The following FAM234B variants were observed in gnomAD, a reference collection of about 807,000 sequenced individuals.
FAM234B encodes the protein protein FAM234B.
In FAM234B, 33 loss-of-function variants were observed where a neutral mutation model predicts 69.3. That is an observed-to-expected ratio of 0.48 (90% CI 0.36 to 0.64). The LOEUF (loss-of-function observed/expected upper bound fraction) is 0.64. FAM234B is among the 30% of genes least tolerant of loss of function. The pLI is 0.00. For synonymous variants in FAM234B, 306 were observed against 306.9 expected (o/e 1.00, Z 0.03); for missense variants, 697 against 769.7 (o/e 0.91, Z 1.12).
rs763953647 is a variant in FAM234B at position 13,079,803 on chromosome 12, C to T, written c.1657C>T (p.Leu553Phe). ...TCCTTCCTCAGTTGGAATTAACGAC[C>T]TCTGGAAAGATGCCTTTTATGTTAC... ...VTASEVGIND[L>F]WKDAFYVTRT... Residue 553 changes from leucine (L) to phenylalanine (F), a missense_variant, in exon 12 of 13, where the codon CTC becomes TTC. This residue lies in a region of FAM234B where 313 missense variants were observed against 305.5 expected (regional missense o/e 1.02). Transcript: ENST00000197268. 2 of 1,613,216 alleles carry T rather than the reference C, an allele frequency of 1.2e-6. No homozygotes were observed. Among genetic ancestry groups the T allele is most frequent in the Admixed American group, 3.3e-5 (2 of 59,988 alleles).
rs144607518 is a variant in FAM234B at position 13,048,234 on chromosome 12, A to G, written c.37+3794A>G. Among the ~76,000 whole-genome samples, 23 of 152,280 alleles carry G rather than the reference A, an allele frequency of 1.5e-4. No individual in the cohort carries two copies. The East Asian group carries it at 3.7e-3, about 24-fold the overall frequency. On this transcript the variant is annotated intron_variant, in intron 1 of 12. Coordinates refer to ENST00000197268, the MANE Select transcript of FAM234B (RefSeq NM_020853.2). Reference sequence around the variant, plus strand: ...AGGACTTTTTAGATATTGCTCCGCTATCTTTTAATAGTGTATGTTACTATG... The same window carrying G: ...AGGACTTTTTAGATATTGCTCCGCTGTCTTTTAATAGTGTATGTTACTATG...
At chr12:13,063,099 A>G (rs1865001516) in intron 5 of FAM234B, 124 bp downstream of exon 5, 1 of 1,164,972 alleles carries the variant, frequency 8.6e-7, no homozygotes. Flanking sequence ...TTTAGGTTTA[A>G]GTAAATTCTC....
chr12:13,056,983 T>C (rs2120460490), intron 2 of FAM234B, among the ~76,000 whole-genome samples: 1 of 151,426 alleles, frequency 6.6e-6, no homozygotes, highest in African/African-American at 2.4e-5. Context: ...AACTGCTTTT[T>C]TTTTTTTTTT....
chr12:13,068,010 C>T (rs1422361085), intron 7 of FAM234B, among the ~76,000 whole-genome samples: 7 of 152,200 alleles, frequency 4.6e-5, no homozygotes, highest in African/African-American at 1.4e-4. Flanking sequence ...CTGTGATTAT[C>T]CTTGGCTCTG....
At chr12:13,048,271 G>A (rs147915291) in intron 1 of FAM234B, among the ~76,000 whole-genome samples, 2 of 152,276 alleles carry the variant, frequency 1.3e-5, no homozygotes, top group East Asian at 3.9e-4. Context: ...AGAAATCTTT[G>A]CCTGATTTTT....
intron 1 of FAM234B, among the ~76,000 whole-genome samples, chr12:13,047,637 A>G (rs908225502): frequency 1.6e-4 from 24 of 152,218 alleles, no homozygotes; most frequent in Non-Finnish European, 4.4e-5. Flanking sequence ...TAAGAGGAAA[A>G]GCAATAGCTG....
At chr12:13,075,555 A>G (rs1410798594) in intron 10 of FAM234B, among the ~76,000 whole-genome samples, 4 of 149,490 alleles carry the variant, frequency 2.7e-5, no homozygotes, top group African/African-American at 9.9e-5. Flanking sequence ...CTCCTGCCTC[A>G]GCCTCCTGAG....
Position 13,076,112 on chromosome 12 carries a change from C to T in FAM234B, c.1611C>T (p.Ala537=), listed in dbSNP as rs778749617. 3.7e-6 allele frequency: 6 copies of T among 1,614,076 alleles called. No homozygotes were observed. The highest frequency in any genetic ancestry group is 5.1e-6 in the Non-Finnish European group (6 of 1,179,960). Residue 537 remains alanine, a synonymous_variant, in exon 11 of 13, where the codon GCC becomes GCT. Coordinates refer to ENST00000197268, the MANE Select transcript of FAM234B (RefSeq NM_020853.2). ...TCCCCTCCATCCTTCTGGATCTGGCCAACACCACCGGCACAGTGACGGCTT... is the reference window on the plus strand; with the variant it reads ...TCCCCTCCATCCTTCTGGATCTGGCTAACACCACCGGCACAGTGACGGCTT... The part of the protein sequence containing the change: ...PAFPSILLDL[A]NTTGTVTASE...
chr12:13,048,427 T>C (rs1013008550), intron 1 of FAM234B, among the ~76,000 whole-genome samples: 1 of 152,250 alleles, frequency 6.6e-6, no homozygotes, highest in Non-Finnish European at 1.5e-5. Flanking sequence ...CTCTGTGTAC[T>C]CATTATTCTG....
At chr12:13,066,613 C>G (rs1865039348) in intron 5 of FAM234B, 27 bp from the exon 6 acceptor site, 2 of 1,595,592 alleles carry the variant, frequency 1.3e-6, no homozygotes, top group South Asian at 2.3e-5. Context: ...CTTCTATTGA[C>G]TCCACCCCCC....
Position 13,071,263 on chromosome 12 carries a change from C to T in FAM234B, c.1391C>T (p.Ser464Phe), listed in dbSNP as rs751846595. The change falls in exon 10 of 13, where the codon TCT becomes TTT. Residue 464 changes from serine (S) to phenylalanine (F), a missense_variant. Ser to Phe is a radical substitution (Grantham distance 155). Coordinates refer to ENST00000197268, the MANE Select transcript of FAM234B (RefSeq NM_020853.2). ...MKKMMVVDGD[S>F]GSIVWSYRAP... ...TAGATGATGGTTGTGGATGGTGACT[C>T]TGGCTCCATTGTTTGGAGTTACCGT... is the stretch of plus-strand genomic sequence containing the variant. 2.5e-6 allele frequency: 4 copies of T among 1,614,174 alleles called. No homozygotes were observed. The Admixed American group carries it at 6.7e-5, about 27-fold the overall frequency.
rs148778156 is a variant in FAM234B at position 13,076,060 on chromosome 12, A to G, written c.1559A>G (p.His520Arg). 747 of 1,614,076 alleles carry G rather than the reference A, an allele frequency of 4.6e-4. 4 individuals are homozygous for G. Among genetic ancestry groups the G allele is most frequent in the Admixed American group, 8.8e-4 (53 of 60,016 alleles). Residue 520 changes from histidine to arginine, a missense_variant, in exon 11 of 13, where the codon CAC becomes CGC. Coordinates refer to ENST00000197268, the MANE Select transcript of FAM234B (RefSeq NM_020853.2). ...CTAGGAACTGAGCCGCCCAGCCTTC[A>G]CCACCTTTACCTCCTGCATCCTGCG... Reference protein sequence around the residue: ...IILGTEPPSLHHLYLLHPAFP... With the variant: ...IILGTEPPSLRHLYLLHPAFP...
chr12:13,058,398 C>T (rs1864953229), intron 2 of FAM234B, 53 bp from the exon 3 acceptor site: 6 of 1,442,650 alleles, frequency 4.2e-6, no homozygotes, highest in South Asian at 1.1e-5. Context: ...CAACAGAGAA[C>T]TGGTTTGTGG....
chr12:13,057,144 AT>A (rs1413426685), intron 2 of FAM234B, among the ~76,000 whole-genome samples: 2 of 151,736 alleles, frequency 1.3e-5, no homozygotes, highest in Admixed American at 6.6e-5. Context: ...TGCCTGGCTA[AT>A]TTTTGTATTT....
At chr12:13,045,069 A>G (rs181014302) in intron 1 of FAM234B, among the ~76,000 whole-genome samples, 1 of 152,238 alleles carries the variant, frequency 6.6e-6, no homozygotes, top group African/African-American at 2.4e-5. Context: ...CCACTTGGTC[A>G]GTCTCCAGCT....
At chr12:13,059,286 A>G (rs1864961714) in intron 3 of FAM234B, among the ~76,000 whole-genome samples, 1 of 152,142 alleles carries the variant, frequency 6.6e-6, no homozygotes, top group African/African-American at 2.4e-5. Context: ...GGATTCCAGT[A>G]ATTGCGTCCT....
intron 5 of FAM234B, 45 bp from the exon 6 acceptor site, chr12:13,066,595 C>G: frequency 1.9e-6 from 3 of 1,558,256 alleles, no homozygotes; most frequent in East Asian, 2.3e-5. Flanking sequence ...CATTAGCAAA[C>G]GATAGGGCTT....
chr12:13,062,885 C>T lies in FAM234B; in HGVS notation c.762C>T (p.Asn254=), dbSNP rs759389681. 3.0e-5 allele frequency: 48 copies of T among 1,613,928 alleles called. 1 individual carries two copies. The highest frequency in any genetic ancestry group is 1.6e-4 in the South Asian group (15 of 91,082). ...CTTTAAACCCAAACTACTTGTCCAA[C>T]GGTACCTTGGCTGCCCCAGTTGTGG... ...IWTLNPNYLS[N]GTLAAPVVVL... The change falls in exon 5 of 13, where the codon AAC becomes AAT. Residue 254 remains asparagine, a synonymous_variant. Coordinates refer to ENST00000197268, the MANE Select transcript of FAM234B (RefSeq NM_020853.2).
intron 1 of FAM234B, among the ~76,000 whole-genome samples, chr12:13,052,098 T>G (rs557227825): frequency 6.6e-6 from 1 of 152,196 alleles, no homozygotes; most frequent in Admixed American, 6.5e-5. Context: ...ATGTCTCTTA[T>G]GATTGATACC....
Sources: gnomAD v4.1 joint callset for allele counts (sites outside exome capture counted in the v4.1 genomes callset) on GRCh38, gnomAD v4.1.1 for gene constraint, gnomAD v4.1.1 regional missense constraint, MANE v1.5 for transcripts, NCBI Gene and HGNC (gene_info 2026-07-23, HGNC 2026-07-21) for gene names.